TMEM132A: variants seen among roughly 807,000 people sequenced by gnomAD.
TMEM132A encodes transmembrane protein 132A, also known as GRP78-binding protein.
Under a neutral mutation model 69.9 loss-of-function variants are expected in TMEM132A, and 48 were observed. That is an observed-to-expected ratio of 0.69 (90% CI 0.55 to 0.87). The LOEUF is 0.87. Among genes scored for constraint, TMEM132A ranks in the 40% least tolerant of loss-of-function variants. The pLI, the probability that TMEM132A is intolerant of heterozygous loss-of-function variation, is 0.00. For synonymous variants in TMEM132A, 577 were observed against 613.7 expected (o/e 0.94, Z 0.88); for missense variants, 1,287 against 1,407.2 (o/e 0.91, Z 1.37).
chr11:60,933,897 G>A, intron 8 of TMEM132A, 153 bp downstream of exon 8: 1 of 660,736 alleles, frequency 1.5e-6, no homozygotes, highest in Non-Finnish European at 2.5e-6. Context: ...GGGCCGCCCA[G>A]CCAATGATCG....
At chr11:60,930,438 G>A in intron 4 of TMEM132A, 72 bp from the exon 5 acceptor site, 1 of 1,490,202 alleles carries the variant, frequency 6.7e-7, no homozygotes, top group East Asian at 2.5e-5. Flanking sequence ...TTGGCTCCTT[G>A]TCTTTCCCCT....
intron 5 of TMEM132A, among the ~76,000 whole-genome samples, 163 bp downstream of exon 5, chr11:60,930,822 C>CTTCA (rs917832816): frequency 6.6e-6 from 1 of 152,214 alleles, no homozygotes; most frequent in Non-Finnish European, 1.5e-5. Flanking sequence ...TAATCCATTC[C>CTTCA]TTCATTCATT....
At chr11:60,932,932 A>T (rs1292855973) in intron 7 of TMEM132A, 1 of 152,272 alleles carries the variant, frequency 6.6e-6, no homozygotes, top group Non-Finnish European at 1.5e-5. Context: ...ATGAATAAGG[A>T]GCCAAAGTTT....
chr11:60,937,008 C>A lies in TMEM132A; in HGVS notation c.*101C>A. Reference sequence around the variant, plus strand: ...CGCCACTCGTCTGGTGCTTGTTGATCCAAGTCCCCTGCCTGGTCCCCCACA... The same window carrying A: ...CGCCACTCGTCTGGTGCTTGTTGATACAAGTCCCCTGCCTGGTCCCCCACA... On this transcript the variant is annotated 3_prime_UTR_variant, in exon 11 of 11. Coordinates refer to ENST00000453848, the MANE Select transcript of TMEM132A (RefSeq NM_178031.3). 1 of 1,298,982 alleles carries A rather than the reference C, an allele frequency of 7.7e-7. No homozygotes were observed. Among genetic ancestry groups the A allele is most frequent in the Non-Finnish European group, 1.0e-6 (1 of 969,750 alleles). 80.5% of individuals were successfully genotyped at this position (1,298,982 alleles called of 1,614,324 possible). A position where few individuals can be genotyped will look rare whatever the true frequency, so the allele number is the denominator to read the frequency against.
intron 8 of TMEM132A, 66 bp downstream of exon 8, chr11:60,933,810 G>A (rs1291016078): frequency 7.0e-7 from 1 of 1,435,848 alleles, no homozygotes; most frequent in Non-Finnish European, 9.4e-7. Context: ...AGGGCGCAGG[G>A]GACACAGCCA....
chr11:60,930,971 CA>C, intron 5 of TMEM132A, among the ~76,000 whole-genome samples: 1 of 152,186 alleles, frequency 6.6e-6, no homozygotes, highest in Non-Finnish European at 1.5e-5. Flanking sequence ...CTGCTTCCAC[CA>C]AATGATCCTT....
rs1266629738 is a variant in TMEM132A at position 60,936,598 on chromosome 11, G to A, written c.2763G>A (p.Gly921=). ...RQSPGPPKGE[G]SCPCESGGGG... Reference sequence around the variant, plus strand: ...CCCCTGGCCCGCCCAAGGGGGAGGGGAGCTGCCCCTGTGAGAGTGGGGGAG... The same window carrying A: ...CCCCTGGCCCGCCCAAGGGGGAGGGAAGCTGCCCCTGTGAGAGTGGGGGAG... Residue 921 remains glycine (G), a synonymous_variant, in exon 11 of 11, where the codon GGG becomes GGA. Coordinates refer to ENST00000453848, the MANE Select transcript of TMEM132A (RefSeq NM_178031.3). The A allele has an allele frequency of 3.1e-6, 5 of 1,592,258 alleles. No individual in the cohort carries two copies. In the South Asian group the frequency reaches 5.6e-5, roughly 18 times the overall value.
In TMEM132A at chr11:60,929,717, A is replaced by G. The variant is rs550145515; in HGVS notation, c.866+757A>G. Among the ~76,000 whole-genome samples the G allele has an allele frequency of 2.0e-5, 3 of 151,960 alleles. No individual in the cohort carries two copies. The South Asian group carries it at 6.2e-4, about 32-fold the overall frequency. ...TCTGTGGACATGCTTTGAAACCTAG[A>G]CCTAGTTTCAAGCCCTGCCTGGGTT... is the stretch of plus-strand genomic sequence containing the variant. On this transcript the variant is annotated intron_variant, in intron 4 of 10. Coordinates refer to ENST00000453848, the MANE Select transcript of TMEM132A (RefSeq NM_178031.3).
At chr11:60,933,870 C>T in intron 8 of TMEM132A, 126 bp downstream of exon 8, 2 of 865,104 alleles carry the variant, frequency 2.3e-6, no homozygotes, top group Non-Finnish European at 3.5e-6. Context: ...GCAGTTCCTT[C>T]TGCCCACCTC....
intron 4 of TMEM132A, 68 bp downstream of exon 4, chr11:60,929,028 G>GCTC: frequency 6.6e-7 from 1 of 1,515,146 alleles, no homozygotes; most frequent in Non-Finnish European, 9.1e-7. Flanking sequence ...ACAGGTACCT[G>GCTC]CTCCTCCTGG....
At position 60,936,723 on chromosome 11, in the gene TMEM132A, TAG is replaced by T. The variant is rs1856613017; in HGVS notation, c.2891_2892del (p.Glu964ValfsTer14). 2 of 1,590,492 alleles carry T rather than the reference TAG, an allele frequency of 1.3e-6. No individual in the cohort carries two copies. Among genetic ancestry groups the T allele is most frequent in the Admixed American group, 1.8e-5 (1 of 55,478 alleles). ...GAGGCTGGGGGGCGGCGGAAGCGAGTAGAGTTTGTGACATTTGCGCCAGCCCC... is the reference window on the plus strand; with the variant it reads ...GAGGCTGGGGGGCGGCGGAAGCGAGTAGTTTGTGACATTTGCGCCAGCCCC... On this transcript the variant is annotated frameshift_variant, in exon 11 of 11. Transcript: ENST00000453848. LOFTEE classifies it high-confidence loss of function.
Position 60,936,060 on chromosome 11 carries a change from T to C in TMEM132A, c.2225T>C (p.Leu742Pro), listed in dbSNP as rs749186884. The change falls in exon 11 of 11, where the codon CTG (leucine) becomes CCG (proline). Residue 742 changes from leucine to proline, a missense_variant. Transcript: ENST00000453848. ...GAEGLPLHVA[L>P]HPPEPCRRGR... ...GAGGGGCTGCCGCTGCATGTGGCTC[T>C]GCACCCGCCCGAGCCCTGCCGCCGG... 3 of 1,606,270 alleles carry C rather than the reference T, an allele frequency of 1.9e-6. No homozygotes were observed. In the Admixed American group the frequency reaches 5.0e-5, roughly 27 times the overall value.
At chr11:60,934,290 G>A in intron 8 of TMEM132A, 198 bp from the exon 9 acceptor site, 1 of 458,574 alleles carries the variant, frequency 2.2e-6, no homozygotes. Context: ...CACAGCGCCA[G>A]TCGGGAGTGG....
Position 60,931,985 on chromosome 11 carries a change from C to T in TMEM132A, c.1214C>T (p.Ala405Val), listed in dbSNP as rs1393818462. 5.0e-6 allele frequency: 8 copies of T among 1,608,498 alleles called. No homozygotes were observed. Among genetic ancestry groups the T allele is most frequent in the Non-Finnish European group, 6.8e-6 (8 of 1,177,530 alleles). ...DIRALIPLAK[A>V]EELVNTAPLT... ...GCTGAGCCCCTCCTCCACCCCCAGG[C>T]TGAGGAGCTGGTGAATACAGCACCA... Residue 405 changes from alanine (A) to valine (V), a missense_variant and splice_region_variant, in exon 7 of 11, where the codon GCT becomes GTT. Ala to Val is a moderately conservative substitution (Grantham distance 64, BLOSUM62 0). Transcript: ENST00000453848.
chr11:60,929,072 A>G, intron 4 of TMEM132A, 112 bp downstream of exon 4: 1 of 1,101,300 alleles, frequency 9.1e-7, no homozygotes, highest in Non-Finnish European at 1.3e-6. Flanking sequence ...TCTGCAAAAC[A>G]TGTGTCCACC....
chr11:60,934,069 T>A (rs902030956), intron 8 of TMEM132A: 2 of 456,602 alleles, frequency 4.4e-6, no homozygotes, highest in Admixed American at 4.1e-5. Context: ...GAAGCTGCGG[T>A]CTGTCTATGC....
chr11:60,924,889 G>C (rs1856316923), intron 1 of TMEM132A, among the ~76,000 whole-genome samples, 156 bp downstream of exon 1: 1 of 152,054 alleles, frequency 6.6e-6, no homozygotes, highest in Non-Finnish European at 1.5e-5. Context: ...TTGCCCTCGG[G>C]AACCTGCCCC....
rs545267277 is a variant in TMEM132A, at chr11:60,936,617, G to A, written c.2782G>A (p.Gly928Arg). The change falls in exon 11 of 11, where the codon GGG (glycine) becomes AGG (arginine). Residue 928 changes from glycine (G) to arginine (R), a missense_variant. Transcript: ENST00000453848. ...KGEGSCPCES[G>R]GGGEAPTLAP... ...GGAGGGGAGCTGCCCCTGTGAGAGTGGGGGAGGAGGGGAGGCCCCTACCCT... is the reference window on the plus strand; with the variant it reads ...GGAGGGGAGCTGCCCCTGTGAGAGTAGGGGAGGAGGGGAGGCCCCTACCCT... 6 of 1,574,226 alleles carry A rather than the reference G, an allele frequency of 3.8e-6. No homozygotes were observed. The highest frequency in any genetic ancestry group is 2.2e-5 in the East Asian group (1 of 44,502).
chr11:60,934,477 C>T lies in TMEM132A; in HGVS notation c.1560-11C>T. 7.3e-7 allele frequency: 1 copy of T among 1,371,506 alleles called. No individual in the cohort carries two copies. The highest frequency in any genetic ancestry group is 1.5e-5 in the African/African-American group (1 of 65,214). 85.0% of individuals were successfully genotyped at this position (1,371,506 alleles called of 1,614,324 possible). On this transcript the variant is annotated splice_polypyrimidine_tract_variant and intron_variant, in intron 8 of 10. Coordinates refer to ENST00000453848, the MANE Select transcript of TMEM132A (RefSeq NM_178031.3). Reference sequence around the variant, plus strand: ...GCGCTGACGGCCAGTCCCGGCCTCCCCGCCCTGCAGGCCTGCGGAACCCGC... The same window carrying T: ...GCGCTGACGGCCAGTCCCGGCCTCCTCGCCCTGCAGGCCTGCGGAACCCGC...
Sources: gnomAD v4.1 joint callset for allele counts (sites outside exome capture counted in the v4.1 genomes callset) on GRCh38, gnomAD v4.1.1 for gene constraint, MANE v1.5 for transcripts, NCBI Gene and HGNC (gene_info 2026-07-23, HGNC 2026-07-21) for gene names.